The following C1QTNF3 variants were observed in gnomAD, a reference collection of about 807,000 sequenced individuals.
C1QTNF3 encodes complement C1q tumor necrosis factor-related protein 3.
Under a neutral mutation model 32.6 loss-of-function variants are expected in C1QTNF3, and 26 were observed. The observed-to-expected ratio is 0.80, with a 90% CI of 0.58 to 1.11. C1QTNF3 has a LOEUF of 1.11. C1QTNF3 is among the 50% of genes least tolerant of loss of function. The pLI, the probability that C1QTNF3 is intolerant of heterozygous loss-of-function variation, is 0.00. For missense variants in C1QTNF3, 362 were observed against 398.2 expected (o/e 0.91, Z 0.77); for synonymous variants, 155 against 146.0 (o/e 1.06, Z -0.44).
chr5:34,205,660 C>A, the C1QTNF3 span, among the ~76,000 whole-genome samples: 1 of 151,532 alleles, frequency 6.6e-6, no homozygotes, highest in Non-Finnish European at 1.5e-5. Context: ...AAGCTCTTTT[C>A]TTTATAAATT....
the C1QTNF3 span, among the ~76,000 whole-genome samples, chr5:34,224,055 C>T: frequency 2.6e-5 from 4 of 152,194 alleles, no homozygotes; most frequent in East Asian, 7.7e-4. Context: ...TTCACAATTG[C>T]TTCAAAGAGA....
the C1QTNF3 span, among the ~76,000 whole-genome samples, chr5:34,237,566 T>A: frequency 6.6e-6 from 1 of 152,126 alleles, no homozygotes; most frequent in Non-Finnish European, 1.5e-5. Context: ...TCTGCGACAA[T>A]AGATGGTCAA....
At chr5:34,206,885 A>G in the C1QTNF3 span, among the ~76,000 whole-genome samples, 1 of 152,138 alleles carries the variant, frequency 6.6e-6, no homozygotes, top group Non-Finnish European at 1.5e-5. Flanking sequence ...GGGCATCTAA[A>G]TGTCACCTTT....
the C1QTNF3 span, among the ~76,000 whole-genome samples, chr5:34,232,974 T>TTG: frequency 7.2e-6 from 1 of 139,340 alleles, no homozygotes; most frequent in Non-Finnish European, 1.6e-5. Flanking sequence ...AAACTACTTT[T>TTG]ACTGTACTTA....
the C1QTNF3 span, among the ~76,000 whole-genome samples, chr5:34,241,715 C>T: frequency 6.6e-6 from 1 of 151,716 alleles, no homozygotes; most frequent in Non-Finnish European, 1.5e-5. Flanking sequence ...CCAACCTGGG[C>T]AACATAGTGG....
At chr5:34,234,971 G>C in the C1QTNF3 span, among the ~76,000 whole-genome samples, 1 of 151,908 alleles carries the variant, frequency 6.6e-6, no homozygotes, top group Non-Finnish European at 1.5e-5. Context: ...TTTATTTATT[G>C]CATCTAGTTT....
rs575234167 is a variant in C1QTNF3, at chr5:34,039,153, A to T, written c.304-3395T>A. ...GAGCATGGTTACAACTCCAGTAAAC[A>T]TACTATGCATGCTCACCTCCCAAGT... On this transcript the variant is annotated intron_variant, in intron 1 of 5. Transcript: ENST00000382065. 7.4e-4 allele frequency among the ~76,000 whole-genome samples: 113 copies of T among 152,294 alleles called. 2 individuals are homozygous for T. Among genetic ancestry groups the T allele is most frequent in the African/African-American group, 2.6e-3 (107 of 41,570 alleles).
the C1QTNF3 span, among the ~76,000 whole-genome samples, chr5:34,195,763 C>G: frequency 6.6e-6 from 1 of 152,178 alleles, no homozygotes; most frequent in Admixed American, 6.5e-5. Context: ...TGGCGTGAAC[C>G]CAGGAGGCGG....
At position 34,026,454 on chromosome 5, in the gene C1QTNF3, A is replaced by G. The variant is rs1754460147; in HGVS notation, c.700+2300T>C. ...GCAGTGGCCAATCTCAAAATCTGCC[A>G]GCAAAAAAAAAAAAAAAAAGAAAAG... On this transcript the variant is annotated intron_variant, in intron 4 of 5. Transcript: ENST00000382065. Among the ~76,000 whole-genome samples, 3 of 114,732 alleles carry G rather than the reference A, an allele frequency of 2.6e-5. No individual in the cohort carries two copies. In the Admixed American group the frequency reaches 2.7e-4, roughly 10 times the overall value. 75.3% of individuals were successfully genotyped at this position (114,732 alleles called of 152,430 possible). A position where few individuals can be genotyped will look rare whatever the true frequency, so the allele number is the denominator to read the frequency against.
At chr5:34,213,809 A>ATAT in the C1QTNF3 span, among the ~76,000 whole-genome samples, 1 of 4,938 alleles carries the variant, frequency 2.0e-4, no homozygotes, top group African/African-American at 3.9e-4. Context: ...ATATATATAT[A>ATAT]TTTTTTTTTT....
chr5:34,175,801 A>G, the C1QTNF3 span: 3 of 745,344 alleles, frequency 4.0e-6, no homozygotes, highest in Non-Finnish European at 7.5e-6. Context: ...ACATTATCCC[A>G]TGCGCTAAAC....
chr5:34,048,155 A>G (rs1020552481), upstream of C1QTNF3, among the ~76,000 whole-genome samples: 7 of 152,134 alleles, frequency 4.6e-5, no homozygotes, highest in African/African-American at 1.7e-4. Flanking sequence ...TAACTCTCAA[A>G]CTGGCTACAT....
At chr5:34,106,221 T>A in the C1QTNF3 span, 3 of 151,084 alleles carry the variant, frequency 2.0e-5, no homozygotes, top group African/African-American at 7.4e-5. Flanking sequence ...AAAATAGTAA[T>A]TAAAATAGAG....
At chr5:34,163,050 T>C in the C1QTNF3 span, among the ~76,000 whole-genome samples, 4 of 152,170 alleles carry the variant, frequency 2.6e-5, no homozygotes, top group Non-Finnish European at 4.4e-5. Context: ...CATTCCACCT[T>C]GTATGTGCAC....
At chr5:34,081,771 T>G in the C1QTNF3 span, among the ~76,000 whole-genome samples, 34 of 151,766 alleles carry the variant, frequency 2.2e-4, no homozygotes, top group African/African-American at 7.1e-4. Flanking sequence ...AAGTCATGCA[T>G]TTAGTTCCCA....
chr5:34,029,391 C>T (rs982892035), intron 3 of C1QTNF3, among the ~76,000 whole-genome samples: 5 of 151,974 alleles, frequency 3.3e-5, no homozygotes, highest in East Asian at 1.9e-4. Flanking sequence ...CCACCTTCCT[C>T]GGCCTCCCAA....
chr5:34,196,230 T>C, the C1QTNF3 span, among the ~76,000 whole-genome samples: 1 of 152,312 alleles, frequency 6.6e-6, no homozygotes, highest in African/African-American at 2.4e-5. Flanking sequence ...CACTGCAACC[T>C]CCGCCTCCCA....
At chr5:34,058,319 G>A in the C1QTNF3 span, among the ~76,000 whole-genome samples, 15 of 152,110 alleles carry the variant, frequency 9.9e-5, no homozygotes, top group Non-Finnish European at 1.9e-4. Context: ...ATCACTTGAA[G>A]GTTGCTGATT....
the C1QTNF3 span, among the ~76,000 whole-genome samples, chr5:34,176,196 T>G: frequency 2.2e-5 from 3 of 138,546 alleles, no homozygotes; most frequent in Non-Finnish European, 4.5e-5. Flanking sequence ...AAGTGGGAAT[T>G]GAACAATGAG....
Sources: allele counts gnomAD v4.1 joint callset (sites outside exome capture counted in the v4.1 genomes callset), GRCh38; gene constraint gnomAD v4.1.1; transcripts MANE v1.5; gene names NCBI Gene and HGNC (gene_info 2026-07-23, HGNC 2026-07-21).